The following PLCB4 variants were observed in gnomAD, a reference collection of about 807,000 sequenced individuals.
PLCB4 encodes phospholipase C beta 4.
In PLCB4, 77 loss-of-function variants were observed where a neutral mutation model predicts 178.8. The ratio of observed to expected loss-of-function variants is 0.43; its 90% CI spans 0.36 to 0.52. PLCB4 has a LOEUF of 0.52. Ranked by LOEUF, PLCB4 falls within the 20% of genes least tolerant of loss-of-function variation. PLCB4 has a pLI of 0.00. For synonymous variants in PLCB4, 496 were observed against 490.8 expected (o/e 1.01, Z -0.14); for missense variants, 1,024 against 1,453.4 (o/e 0.70, Z 4.80).
chr20:9,271,825 G>A (rs1412773054), intron 3 of PLCB4, among the ~76,000 whole-genome samples: 1 of 151,970 alleles, frequency 6.6e-6, no homozygotes, highest in East Asian at 1.9e-4. Context: ...TATCAGTTGG[G>A]GCTTTTAGGG....
intron 2 of PLCB4, among the ~76,000 whole-genome samples, chr20:9,208,395 G>T (rs1601156533): frequency 6.6e-6 from 1 of 152,268 alleles, no homozygotes; most frequent in Admixed American, 6.5e-5. Flanking sequence ...ATTACTATTT[G>T]CTTCTGACAG....
chr20:9,286,137 G>A (rs1433919341), intron 3 of PLCB4, among the ~76,000 whole-genome samples: 2 of 152,004 alleles, frequency 1.3e-5, no homozygotes, highest in African/African-American at 2.4e-5. Flanking sequence ...GTTATCTTGT[G>A]TAAGTATGTG....
intron 35 of PLCB4, among the ~76,000 whole-genome samples, chr20:9,464,147 A>G (rs981462136): frequency 6.6e-6 from 1 of 152,236 alleles, no homozygotes; most frequent in African/African-American, 2.4e-5. Flanking sequence ...GCAAAACTAC[A>G]TGGAAACAGA....
At chr20:9,359,668 G>A (rs1035546030) in intron 7 of PLCB4, among the ~76,000 whole-genome samples, 1 of 152,198 alleles carries the variant, frequency 6.6e-6, no homozygotes, top group African/African-American at 2.4e-5. Context: ...CATCTCAGGA[G>A]CGTGTCGCCA....
At chr20:9,328,592 G>A (rs1024687118) in intron 4 of PLCB4, among the ~76,000 whole-genome samples, 1 of 152,200 alleles carries the variant, frequency 6.6e-6, no homozygotes, top group African/African-American at 2.4e-5. Flanking sequence ...CTGCTGAGCA[G>A]TTACCTGAGC....
chr20:9,424,761 T>C (rs774283051), intron 28 of PLCB4, among the ~76,000 whole-genome samples: 1 of 152,142 alleles, frequency 6.6e-6, no homozygotes, highest in Non-Finnish European at 1.5e-5. Context: ...GAGTACATGA[T>C]ATAGCAAGGC....
chr20:9,229,035 C>T (rs1178805905), intron 3 of PLCB4, among the ~76,000 whole-genome samples: 1 of 152,154 alleles, frequency 6.6e-6, no homozygotes, highest in Non-Finnish European at 1.5e-5. Context: ...CTGGTGCAAA[C>T]AACAAAATAA....
chr20:9,127,749 A>G (rs544350638), intron 2 of PLCB4, among the ~76,000 whole-genome samples: 121 of 151,958 alleles, frequency 8.0e-4, no homozygotes, highest in Admixed American at 1.8e-3. Context: ...CAGTAGCACA[A>G]TCTTGGCTCA....
chr20:9,147,969 C>G (rs765011585), intron 2 of PLCB4, among the ~76,000 whole-genome samples: 4 of 152,110 alleles, frequency 2.6e-5, no homozygotes, highest in Non-Finnish European at 5.9e-5. Context: ...TTCTCCATGC[C>G]ATGGCCACAG....
rs539496098 is a variant in PLCB4 at position 9,469,444 on chromosome 20, T to C, written c.3350+772T>C. 4.6e-5 allele frequency among the ~76,000 whole-genome samples: 7 copies of C among 152,304 alleles called. No homozygotes were observed. The East Asian group carries it at 1.4e-3, about 29-fold the overall frequency. ...AGTAGTCCTTCACATGGGATCATCT[T>C]GAAAGCCCCCATCCCATTTGTCTCA... On this transcript the variant is annotated intron_variant, in intron 36 of 39. Coordinates refer to ENST00000378473, the MANE Select transcript of PLCB4 (RefSeq NM_001377142.1).
rs369926464 is a variant in PLCB4 at position 9,270,556 on chromosome 20, A to G, written c.-15-37244A>G. Among the ~76,000 whole-genome samples the G allele has an allele frequency of 6.6e-5, 10 of 152,138 alleles. No homozygotes were observed. In the East Asian group the frequency reaches 1.2e-3, roughly 18 times the overall value. ...CCATTGTGTGTATGTACCATTCATG[A>G]CTTACATTTTGAAAGAATCACATAT... On this transcript the variant is annotated intron_variant, in intron 3 of 39. Transcript: ENST00000378473.
intron 2 of PLCB4, among the ~76,000 whole-genome samples, chr20:9,174,525 C>G (rs1359834394): frequency 7.0e-6 from 1 of 143,050 alleles, no homozygotes; most frequent in Non-Finnish European, 1.5e-5. Flanking sequence ...TTGTAGTTTT[C>G]TTTTCATCTA....
At chr20:9,424,798 G>T (rs1350624934) in intron 28 of PLCB4, among the ~76,000 whole-genome samples, 1 of 152,130 alleles carries the variant, frequency 6.6e-6, no homozygotes, top group African/African-American at 2.4e-5. Flanking sequence ...GCATGGGGGT[G>T]GGCGGGGTGT....
intron 9 of PLCB4, among the ~76,000 whole-genome samples, 168 bp downstream of exon 9, chr20:9,365,682 T>C (rs2035716150): frequency 6.6e-6 from 1 of 152,224 alleles, no homozygotes; most frequent in Non-Finnish European, 1.5e-5. Flanking sequence ...GTAAAAATCA[T>C]TTATGGAAGT....
At chr20:9,138,256 G>A (rs73609434) in intron 2 of PLCB4, among the ~76,000 whole-genome samples, 3,370 of 151,984 alleles carry the variant, frequency 0.022, 108 homozygotes, top group African/African-American at 0.075. Flanking sequence ...CCTGGACTTC[G>A]GCCATAGGAT....
At chr20:9,163,693 C>T (rs1226902459) in intron 2 of PLCB4, among the ~76,000 whole-genome samples, 3 of 151,976 alleles carry the variant, frequency 2.0e-5, no homozygotes, top group African/African-American at 4.8e-5. Context: ...AAATTTAAAA[C>T]GTGAACATTC....
intron 2 of PLCB4, among the ~76,000 whole-genome samples, chr20:9,147,538 C>G (rs1413320468): frequency 6.6e-6 from 1 of 151,970 alleles, no homozygotes; most frequent in Non-Finnish European, 1.5e-5. Context: ...GTTGGGCAGG[C>G]AGCGCTGGGT....
intron 2 of PLCB4, among the ~76,000 whole-genome samples, chr20:9,163,146 A>G (rs149863594): frequency 2.7e-3 from 412 of 152,314 alleles, no homozygotes; most frequent in African/African-American, 7.5e-3. Flanking sequence ...GTGGAGAGGC[A>G]GAAAACTAAA....
At chr20:9,089,366 TA>T (rs1330936190) in intron 1 of PLCB4, among the ~76,000 whole-genome samples, 1 of 152,022 alleles carries the variant, frequency 6.6e-6, no homozygotes, top group African/African-American at 2.4e-5. Flanking sequence ...TGTGATTATG[TA>T]AAAAATATTG....
Sources: allele counts gnomAD v4.1 joint callset (sites outside exome capture counted in the v4.1 genomes callset), GRCh38; gene constraint gnomAD v4.1.1; transcripts MANE v1.5; gene names NCBI Gene and HGNC (gene_info 2026-07-23, HGNC 2026-07-21).